IFTAP: variants seen among roughly 807,000 people sequenced by gnomAD.
IFTAP encodes intraflagellar transport-associated protein.
In IFTAP, 19 loss-of-function variants were observed where a neutral mutation model predicts 19.4. The ratio of observed to expected loss-of-function variants is 0.98; its 90% CI spans 0.68 to 1.44. The LOEUF (loss-of-function observed/expected upper bound fraction) is 1.44. Among genes scored for constraint, IFTAP ranks in the 40% most tolerant of loss-of-function variants. The pLI is 0.00. For missense variants in IFTAP, 240 were observed against 253.6 expected (o/e 0.95, Z 0.36); for synonymous variants, 85 against 83.5 (o/e 1.02, Z -0.10).
chr11:36,650,182 C>A (rs1291748563), intron 5 of IFTAP, among the ~76,000 whole-genome samples: 1 of 152,056 alleles, frequency 6.6e-6, no homozygotes, highest in South Asian at 2.1e-4. Context: ...TAGTTTATAG[C>A]AAATGGGTCC....
At chr11:36,624,102 G>A (rs575548351) in intron 2 of IFTAP, among the ~76,000 whole-genome samples, 20 of 152,080 alleles carry the variant, frequency 1.3e-4, no homozygotes, top group African/African-American at 4.1e-4. Flanking sequence ...TAGAAACTTC[G>A]TTGGAAGAAA....
Position 36,648,082 on chromosome 11 carries a change from T to C in IFTAP, c.425T>C (p.Phe142Ser), listed in dbSNP as rs758061682. ...VSTSIPSCIP[F>S]VAQPPTCEVK... is the part of the protein sequence containing the mutation. ...ACCAGCATTCCTTCCTGTATCCCTT[T>C]TGTGGCCCAGCCTCCTACCTGTGAA... The change falls in exon 5 of 6, where the codon TTT becomes TCT. Residue 142 changes from phenylalanine (F) to serine (S), a missense_variant. Physicochemically the swap from Phe to Ser is radical, Grantham distance 155. Transcript: ENST00000334307. 1.2e-6 allele frequency: 2 copies of C among 1,613,510 alleles called. No homozygotes were observed. The highest frequency in any genetic ancestry group is 1.7e-6 in the Non-Finnish European group (2 of 1,179,612).
At chr11:36,644,344 AAAC>A (rs1299041346) in intron 4 of IFTAP, among the ~76,000 whole-genome samples, 1 of 152,184 alleles carries the variant, frequency 6.6e-6, no homozygotes. Flanking sequence ...AAAAGTCAGG[AAAC>A]AACAGGTGCT....
At chr11:36,596,849 G>A (rs1193522719) in intron 1 of IFTAP, among the ~76,000 whole-genome samples, 1 of 152,146 alleles carries the variant, frequency 6.6e-6, no homozygotes, top group Non-Finnish European at 1.5e-5. Flanking sequence ...GTGGCTTCTC[G>A]TAAGTGAAAA....
chr11:36,611,045 C>A (rs1242168314), intron 2 of IFTAP, among the ~76,000 whole-genome samples: 2 of 152,006 alleles, frequency 1.3e-5, no homozygotes, highest in African/African-American at 4.8e-5. Context: ...TCTGTTACTT[C>A]CTCATGGCAA....
intron 1 of IFTAP, among the ~76,000 whole-genome samples, chr11:36,596,864 A>G (rs1369609501): frequency 1.3e-5 from 2 of 152,218 alleles, no homozygotes; most frequent in Non-Finnish European, 2.9e-5. Flanking sequence ...TGAAAACATG[A>G]TTATTGTAGA....
At chr11:36,654,388 G>A (rs1414467703) in intron 5 of IFTAP, among the ~76,000 whole-genome samples, 1 of 151,908 alleles carries the variant, frequency 6.6e-6, no homozygotes, top group South Asian at 2.1e-4. Context: ...TGTGCACAAT[G>A]TGCAGGTTTG....
chr11:36,631,441 G>A lies in IFTAP; in HGVS notation c.137-1843G>A, dbSNP rs192542466. Among the ~76,000 whole-genome samples the A allele has an allele frequency of 3.3e-3, 500 of 151,436 alleles. 5 individuals are homozygous for A. The highest frequency in any genetic ancestry group is 6.1e-3 in the Non-Finnish European group (416 of 68,020). On this transcript the variant is annotated intron_variant, in intron 2 of 5. Coordinates refer to ENST00000334307, the MANE Select transcript of IFTAP (RefSeq NM_138787.4). ...TTTCCCATCAGTATATCTGTGTTAT[G>A]TCCTAAAGATACCCTCACAAGTCTT...
chr11:36,639,424 A>G (rs1182694035), intron 4 of IFTAP, among the ~76,000 whole-genome samples: 1 of 151,974 alleles, frequency 6.6e-6, no homozygotes, highest in Admixed American at 6.6e-5. Flanking sequence ...CCAGTACTGT[A>G]CTTCTGCCTT....
chr11:36,630,099 T>G (rs987945998), intron 2 of IFTAP, among the ~76,000 whole-genome samples: 21 of 151,266 alleles, frequency 1.4e-4, no homozygotes. Context: ...CATTTGGATT[T>G]CACCAGGATT....
chr11:36,625,726 G>A (rs1852483870), intron 2 of IFTAP, among the ~76,000 whole-genome samples: 1 of 152,140 alleles, frequency 6.6e-6, no homozygotes, highest in Non-Finnish European at 1.5e-5. Flanking sequence ...ATTCTAGAAG[G>A]GGGAAACTGA....
chr11:36,634,676 T>A (rs1852869516), intron 3 of IFTAP, among the ~76,000 whole-genome samples: 1 of 152,164 alleles, frequency 6.6e-6, no homozygotes, highest in African/African-American at 2.4e-5. Flanking sequence ...TGATCTGAAT[T>A]GGGCAGAAAA....
intron 5 of IFTAP, among the ~76,000 whole-genome samples, chr11:36,658,234 G>A (rs534256323): frequency 6.9e-4 from 105 of 152,272 alleles, no homozygotes; most frequent in Non-Finnish European, 1.3e-3. Flanking sequence ...AGTACTGGAT[G>A]ATTTCATTGT....
chr11:36,620,483 A>T (rs1416882733), intron 2 of IFTAP, among the ~76,000 whole-genome samples: 7 of 152,042 alleles, frequency 4.6e-5, no homozygotes, highest in Non-Finnish European at 1.0e-4. Context: ...TGCAGAAGGA[A>T]ATTTCCCCTT....
chr11:36,595,453 A>G (rs1851178301), intron 1 of IFTAP, among the ~76,000 whole-genome samples: 1 of 152,224 alleles, frequency 6.6e-6, no homozygotes, highest in Middle Eastern at 3.2e-3. Flanking sequence ...TGTGCACCAA[A>G]TGTTAAAGGA....
chr11:36,648,652 AG>A (rs1162682574), intron 5 of IFTAP, among the ~76,000 whole-genome samples: 3 of 152,274 alleles, frequency 2.0e-5, no homozygotes, highest in Admixed American at 2.0e-4. Flanking sequence ...GGGGGTCATC[AG>A]GGACCCAGGT....
rs1852800563 is a variant in IFTAP at position 36,633,297 on chromosome 11, C to T, written c.150C>T (p.Ser50=). ...TTCTTATTTCAGAGGATCATGTGTC[C>T]AAAAGGGGAGTGTTTGGAACTGATT... ...FTHLSQEDHV[S]KRGVFGTDSS... The change falls in exon 3 of 6, where the codon TCC becomes TCT. Residue 50 remains serine, a synonymous_variant. Coordinates refer to ENST00000334307, the MANE Select transcript of IFTAP (RefSeq NM_138787.4). 6.4e-7 allele frequency: 1 copy of T among 1,556,830 alleles called. No homozygotes were observed. The highest frequency in any genetic ancestry group is 8.7e-7 in the Non-Finnish European group (1 of 1,155,066).
At chr11:36,621,261 G>A (rs575117421) in intron 2 of IFTAP, among the ~76,000 whole-genome samples, 2 of 152,088 alleles carry the variant, frequency 1.3e-5, no homozygotes, top group African/African-American at 2.4e-5. Flanking sequence ...TTAGCAAAAT[G>A]TTCTTTTAGC....
chr11:36,604,260 G>A (rs1041157010), intron 1 of IFTAP, among the ~76,000 whole-genome samples: 14 of 152,030 alleles, frequency 9.2e-5, no homozygotes, highest in African/African-American at 3.4e-4. Context: ...TATACCTAGG[G>A]CAATTTAATA....
Sources: allele counts gnomAD v4.1 joint callset (sites outside exome capture counted in the v4.1 genomes callset), GRCh38; gene constraint gnomAD v4.1.1; transcripts MANE v1.5; gene names NCBI Gene and HGNC (gene_info 2026-07-23, HGNC 2026-07-21).